The following SEMA3A variants were observed in gnomAD, a reference collection of about 807,000 sequenced individuals.
SEMA3A encodes the protein semaphorin-3A.
In SEMA3A, 29 loss-of-function variants were observed where a neutral mutation model predicts 97.9. The ratio of observed to expected loss-of-function variants is 0.30; its 90% CI spans 0.22 to 0.40. The LOEUF is 0.40. Ranked by LOEUF, SEMA3A falls within the 10% of genes least tolerant of loss-of-function variation. The pLI is 1.00. For missense variants in SEMA3A, 763 were observed against 951.3 expected (o/e 0.80, Z 2.60); for synonymous variants, 321 against 323.7 (o/e 0.99, Z 0.09).
chr7:84,171,365 T>C (rs1260499717), intron 1 of SEMA3A, among the ~76,000 whole-genome samples: 1 of 152,126 alleles, frequency 6.6e-6, no homozygotes, highest in Non-Finnish European at 1.5e-5. Context: ...TTTGCACTTC[T>C]TCACTGGCAA....
chr7:84,474,706 G>A (rs575059810), intron 1 of SEMA3A, among the ~76,000 whole-genome samples: 16 of 151,978 alleles, frequency 1.1e-4, no homozygotes, highest in South Asian at 8.3e-4. Context: ...ATTAATAGCC[G>A]GTATTCTTCA....
At chr7:84,143,950 AACACAC>A (rs796470836) in intron 1 of SEMA3A, among the ~76,000 whole-genome samples, 1,593 of 94,636 alleles carry the variant, frequency 0.017, 14 homozygotes, top group Non-Finnish European at 0.019. Context: ...CTCTCTCTCT[AACACAC>A]ACACACACAC....
chr7:84,361,543 A>G (rs524301), intron 2 of SEMA3A, among the ~76,000 whole-genome samples: 43,537 of 151,824 alleles, frequency 0.29, 6,712 homozygotes, highest in African/African-American at 0.38. Context: ...TTCTAAATAT[A>G]AAGCAATATT....
chr7:84,194,572 A>G lies in SEMA3A; in HGVS notation c.15T>C (p.Thr5=). The G allele has an allele frequency of 6.2e-7, 1 of 1,609,912 alleles. No homozygotes were observed. Among genetic ancestry groups the G allele is most frequent in the Non-Finnish European group, 8.5e-7 (1 of 1,176,210 alleles). The change falls in exon 1 of 17, where the codon ACT becomes ACC. Residue 5 remains threonine (T), a synonymous_variant. Transcript: ENST00000265362. Reference sequence around the variant, plus strand: ...CTCCCCAGAAAAGACAGACAATCCTAGTTAACCAGCCCATGCTGCAGACGC... The same window carrying G: ...CTCCCCAGAAAAGACAGACAATCCTGGTTAACCAGCCCATGCTGCAGACGC... The part of the protein sequence containing the change: MGWL[T]RIVCLFWGVL...
At chr7:84,149,996 A>G (rs1451640438) in intron 1 of SEMA3A, among the ~76,000 whole-genome samples, 1 of 152,148 alleles carries the variant, frequency 6.6e-6, no homozygotes, top group Non-Finnish European at 1.5e-5. Context: ...CATTTTCCTG[A>G]TATTTATTTT....
intron 1 of SEMA3A, among the ~76,000 whole-genome samples, chr7:84,148,905 TACATAGA>T (rs558953884): frequency 4.6e-5 from 7 of 152,330 alleles, no homozygotes; most frequent in African/African-American, 1.7e-4. Context: ...GTGTATATAG[TACATAGA>T]ACATACAAAA....
chr7:84,358,466 T>TG (rs1562918015), intron 2 of SEMA3A, among the ~76,000 whole-genome samples: 2 of 152,202 alleles, frequency 1.3e-5, no homozygotes, highest in Admixed American at 1.3e-4. Flanking sequence ...GTATTATTCC[T>TG]GAGGGCTCCA....
At chr7:83,978,103 T>C (rs1562950712) in intron 14 of SEMA3A, among the ~76,000 whole-genome samples, 1 of 150,594 alleles carries the variant, frequency 6.6e-6, no homozygotes, top group South Asian at 2.1e-4. Context: ...CGCCTGGCCA[T>C]ATCAACCTGT....
intron 3 of SEMA3A, among the ~76,000 whole-genome samples, chr7:84,265,665 C>A (rs1333367644): frequency 1.3e-5 from 2 of 151,520 alleles, no homozygotes; most frequent in Non-Finnish European, 2.9e-5. Flanking sequence ...GTCTACCATG[C>A]CTGCCTGAAA....
intron 2 of SEMA3A, among the ~76,000 whole-genome samples, chr7:84,342,315 G>A (rs1237508403): frequency 6.6e-6 from 1 of 152,106 alleles, no homozygotes; most frequent in East Asian, 1.9e-4. Flanking sequence ...GTTTACAGGT[G>A]TGAGCCACCA....
At chr7:84,048,182 A>C (rs939200765) in intron 5 of SEMA3A, among the ~76,000 whole-genome samples, 1 of 152,060 alleles carries the variant, frequency 6.6e-6, no homozygotes, top group Non-Finnish European at 1.5e-5. Flanking sequence ...AAATTGTCAC[A>C]GCATGGTGTC....
chr7:84,205,073 A>C (rs963630926), intron 3 of SEMA3A, among the ~76,000 whole-genome samples: 3 of 152,238 alleles, frequency 2.0e-5, no homozygotes, highest in Non-Finnish European at 2.9e-5. Flanking sequence ...AAACTGCATG[A>C]GTTAGTGAGT....
intron 1 of SEMA3A, among the ~76,000 whole-genome samples, chr7:84,146,073 T>C (rs1796454595): frequency 6.6e-6 from 1 of 152,192 alleles, no homozygotes; most frequent in African/African-American, 2.4e-5. Context: ...ATCAAAGACT[T>C]GAGAATTAGC....
intron 3 of SEMA3A, among the ~76,000 whole-genome samples, chr7:84,215,096 C>T (rs1798717114): frequency 6.6e-6 from 1 of 152,080 alleles, no homozygotes; most frequent in Admixed American, 6.5e-5. Flanking sequence ...TGGTTTTGAA[C>T]TCCTGACCTC....
In SEMA3A at chr7:84,241,528, G is replaced by A. The variant is rs192074536; in HGVS notation, c.-82-46860C>T. On this transcript the variant is annotated intron_variant, in intron 3 of 3. Transcript: ENST00000424555. ...TAAGGCTTTGTCAGATGGATAGATC[G>A]CAAAAATTTTCTCCCATTCTGTAGG... Among the ~76,000 whole-genome samples, 470 of 152,192 alleles carry A rather than the reference G, an allele frequency of 3.1e-3. 5 individuals are homozygous for A. The highest frequency in any genetic ancestry group is 0.011 in the African/African-American group (448 of 41,524).
chr7:83,988,650 T>C (rs1382689677), intron 12 of SEMA3A, among the ~76,000 whole-genome samples: 1 of 152,118 alleles, frequency 6.6e-6, no homozygotes, highest in East Asian at 1.9e-4. Context: ...ATGGTATAAT[T>C]TAGAGATTTT....
At chr7:84,225,986 A>G (rs76351636) in intron 3 of SEMA3A, among the ~76,000 whole-genome samples, 11,671 of 152,162 alleles carry the variant, frequency 0.077, 1,535 homozygotes, top group African/African-American at 0.27. Context: ...TGAGAGCACA[A>G]GTGAAAGCCA....
chr7:84,093,935 A>T (rs77140703), intron 4 of SEMA3A, among the ~76,000 whole-genome samples: 1 of 151,166 alleles, frequency 6.6e-6, no homozygotes, highest in East Asian at 2.0e-4. Context: ...AAAAAAAAAA[A>T]AAAAGAAAGG....
intron 1 of SEMA3A, among the ~76,000 whole-genome samples, chr7:84,491,574 G>A (rs1806736437): frequency 6.6e-6 from 1 of 152,092 alleles, no homozygotes; most frequent in Non-Finnish European, 1.5e-5. Flanking sequence ...CCACCTGAAA[G>A]TCCACCACAG....
Sources: allele counts gnomAD v4.1 joint callset (sites outside exome capture counted in the v4.1 genomes callset), GRCh38; gene constraint gnomAD v4.1.1; transcripts MANE v1.5; gene names NCBI Gene and HGNC (gene_info 2026-07-23, HGNC 2026-07-21).